KHSRP: variants seen among roughly 807,000 people sequenced by gnomAD.
The protein encoded by KHSRP is KH-type splicing regulatory protein.
KHSRP carries 13 observed loss-of-function variants against 94.9 expected under a neutral mutation model. That is an observed-to-expected ratio of 0.14 (90% CI 0.09 to 0.22). The LOEUF (loss-of-function observed/expected upper bound fraction) is 0.22, where lower values mean the gene tolerates loss of function less well. Ranked by LOEUF, KHSRP falls within the 10% of genes least tolerant of loss-of-function variation. The pLI is 1.00. For missense variants in KHSRP, 710 were observed against 1,010.0 expected, an observed-to-expected ratio of 0.70 and a Z score of 4.03; for synonymous variants, 495 against 401.4, an observed-to-expected ratio of 1.23 and a Z score of -2.79.
Position 6,418,147 on chromosome 19 carries a change from G to A in KHSRP, c.880-68C>T, listed in dbSNP as rs2092166392. 4 of 1,435,626 alleles carry A rather than the reference G, an allele frequency of 2.8e-6. No homozygotes were observed. Among genetic ancestry groups the A allele is most frequent in the Non-Finnish European group, 3.9e-6 (4 of 1,025,720 alleles). 88.9% of individuals were successfully genotyped at this position (1,435,626 alleles called of 1,614,324 possible). A position where few individuals can be genotyped will look rare whatever the true frequency, so the allele number is the denominator to read the frequency against. On this transcript the variant is annotated intron_variant, in intron 9 of 18. Coordinates refer to ENST00000600480, the MANE Select transcript of KHSRP (RefSeq NM_001366299.1). This position sits in a 1 kb window ranked among gnomAD's most constrained non-coding sequence, Gnocchi z 4.3. ...GCCCCACACCCCCCCACCTCCTCGGGGGTGCGGGCCTCAACTAAGGACCCA... is the reference window on the plus strand; with the variant it reads ...GCCCCACACCCCCCCACCTCCTCGGAGGTGCGGGCCTCAACTAAGGACCCA...
intron 11 of KHSRP, among the ~76,000 whole-genome samples, 168 bp downstream of exon 11, chr19:6,417,571 T>C (rs548283120): frequency 6.6e-6 from 1 of 152,276 alleles, no homozygotes; most frequent in Non-Finnish European, 1.5e-5. Context: ...CCCTCATGTG[T>C]CTGTCCCAGA....
rs760043260 is a variant in KHSRP at position 6,415,640 on chromosome 19, G to A, written c.1782C>T (p.Pro594=). 73 of 1,533,778 alleles carry A rather than the reference G, an allele frequency of 4.8e-5. No individual in the cohort carries two copies. Among genetic ancestry groups the A allele is most frequent in the East Asian group, 7.4e-5 (3 of 40,782 alleles). ...CCGGTGGGGCCGCAGGGGCCGGTGC[G>A]GGGCCGGGGACGGGGCCCGGGGGCT... The part of the protein sequence containing the change: ...YQQPPGPVPG[P]APAPAAPPAQ... Residue 594 remains proline, a synonymous_variant, in exon 17 of 19, where the codon CCC becomes CCT. Coordinates refer to ENST00000600480, the MANE Select transcript of KHSRP (RefSeq NM_001366299.1).
In KHSRP at chr19:6,414,969, G is replaced by A. The variant is rs1205035673; in HGVS notation, c.*55C>T. On this transcript the variant is annotated 3_prime_UTR_variant, in exon 19 of 19. Transcript: ENST00000600480. ...CTCTGGACCCAGCGAATGCTTCCCT[G>A]GCGGTGCGTGGGGACTCCCGGAGAC... 2.1e-6 allele frequency: 3 copies of A among 1,435,644 alleles called. No homozygotes were observed. Among genetic ancestry groups the A allele is most frequent in the Non-Finnish European group, 2.7e-6 (3 of 1,100,592 alleles). The allele number at this position is 1,435,644 out of a possible 1,614,324, so 88.9% of individuals were successfully genotyped here.
In KHSRP at chr19:6,414,976, C is replaced by G; in HGVS notation, c.*48G>C. The G allele has an allele frequency of 7.0e-7, 1 of 1,437,814 alleles. No homozygotes were observed. The highest frequency in any genetic ancestry group is 1.4e-5 in the African/African-American group (1 of 69,840). 89.1% of individuals were successfully genotyped at this position (1,437,814 alleles called of 1,614,324 possible). On this transcript the variant is annotated 3_prime_UTR_variant, in exon 19 of 19. Transcript: ENST00000600480. ...CCCAGCGAATGCTTCCCTGGCGGTG[C>G]GTGGGGACTCCCGGAGACCTCCGGC... is the stretch of plus-strand genomic sequence containing the variant.
intron 4 of KHSRP, among the ~76,000 whole-genome samples, chr19:6,420,694 G>A (rs760684447): frequency 1.3e-5 from 2 of 152,258 alleles, no homozygotes; most frequent in East Asian, 1.9e-4. Context: ...CAGGGCGAGA[G>A]GGAGCACTGA....
intron 3 of KHSRP, 52 bp downstream of exon 3, chr19:6,421,598 A>G: frequency 6.2e-7 from 1 of 1,600,868 alleles, no homozygotes; most frequent in Non-Finnish European, 8.6e-7. Context: ...TGACTCCTGA[A>G]AACCTCAACC....
Position 6,417,107 on chromosome 19 carries a change from A to C in KHSRP, c.1082-20T>G, listed in dbSNP as rs1158188539. The C allele has an allele frequency of 6.3e-7, 1 of 1,579,522 alleles. No individual in the cohort carries two copies. Among genetic ancestry groups the C allele is most frequent in the Admixed American group, 1.9e-5 (1 of 53,678 alleles). ...CGTCATCTGAGGCCAGCACCGAGAG[A>C]GCAGAGACACAAGTTTAAAAGAAGA... On this transcript the variant is annotated intron_variant, in intron 11 of 18. Coordinates refer to ENST00000600480, the MANE Select transcript of KHSRP (RefSeq NM_001366299.1).
At position 6,415,057 on chromosome 19, in the gene KHSRP, G is replaced by A. The variant is rs766885192; in HGVS notation, c.2211C>T (p.Ala737=). Residue 737 remains alanine (A), a synonymous_variant, in exon 19 of 19, where the codon GCC becomes GCT. Transcript: ENST00000600480. ...ATVHPALVGS[A]GNPFPCGVCP ...ACACCCCGCAGGGGAAGGGGTTTCC[G>A]GCGCTACCCACTAAGGCAGGATGGA... 49 of 1,558,266 alleles carry A rather than the reference G, an allele frequency of 3.1e-5. No individual in the cohort carries two copies. The highest frequency in any genetic ancestry group is 3.5e-4 in the Middle Eastern group (2 of 5,664).
Position 6,421,641 on chromosome 19 carries a change from T to A in KHSRP, c.385+9A>T. 6.2e-7 allele frequency: 1 copy of A among 1,613,834 alleles called. No individual in the cohort carries two copies. Among genetic ancestry groups the A allele is most frequent in the Non-Finnish European group, 8.5e-7 (1 of 1,179,802 alleles). ...GCCACATATCTGCCACCAGACCCCC[T>A]GGACTTACAGTCTCCCTGGGAAGCC... On this transcript the variant is annotated intron_variant, in intron 3 of 18. Transcript: ENST00000600480.
intron 15 of KHSRP, among the ~76,000 whole-genome samples, 179 bp from the exon 16 acceptor site, chr19:6,416,075 G>C (rs1029497788): frequency 1.3e-5 from 2 of 152,262 alleles, no homozygotes; most frequent in Non-Finnish European, 2.9e-5. Context: ...GCGTCAGCTT[G>C]AGGACATGAA....
chr19:6,418,630 T>A lies in KHSRP; in HGVS notation c.781-49A>T. 1 of 1,613,070 alleles carries A rather than the reference T, an allele frequency of 6.2e-7. No individual in the cohort carries two copies. Among genetic ancestry groups the A allele is most frequent in the Non-Finnish European group, 8.5e-7 (1 of 1,179,040 alleles). ...AGTGCTGGGCTCTCCCAGGACTTCC[T>A]GGGCTGCTGTGGTGGTGGCGGTGGG... On this transcript the variant is annotated intron_variant, in intron 8 of 18. Coordinates refer to ENST00000600480, the MANE Select transcript of KHSRP (RefSeq NM_001366299.1). The surrounding 1 kb of genome is among the most constrained non-coding windows in gnomAD (Gnocchi z 4.3).
rs866250243 is a variant in KHSRP at position 6,424,406 on chromosome 19, C to T, written c.249+47G>A. ...CACGTGACCCCCGCCCCCTCCCCCGCCTGCGCGCGCGCGCGAGCGCGCCCC... is the reference window on the plus strand; with the variant it reads ...CACGTGACCCCCGCCCCCTCCCCCGTCTGCGCGCGCGCGCGAGCGCGCCCC... On this transcript the variant is annotated intron_variant, in intron 1 of 18. Coordinates refer to ENST00000600480, the MANE Select transcript of KHSRP (RefSeq NM_001366299.1). 7.0e-4 allele frequency: 666 copies of T among 957,684 alleles called. 5 individuals carry two copies. The African/African-American group carries it at 0.011, about 16-fold the overall frequency. The allele number at this position is 957,684 out of a possible 1,614,324, so 59.3% of individuals were successfully genotyped here.
chr19:6,424,782 G>A lies in KHSRP; in HGVS notation c.-81C>T, dbSNP rs557086701. On this transcript the variant is annotated 5_prime_UTR_variant, in exon 1 of 19. Transcript: ENST00000600480. ...GGCGGCGGCTCAACGCGGGAACAAG[G>A]CCTCGCTCCACACGGCCGCGGAGCA... 51 of 495,476 alleles carry A rather than the reference G, an allele frequency of 1.0e-4. No individual in the cohort carries two copies. In the South Asian group the frequency reaches 2.6e-3, roughly 25 times the overall value. The allele number at this position is 495,476 out of a possible 1,614,324, so 30.7% of individuals were successfully genotyped here. A position where few individuals can be genotyped will look rare whatever the true frequency, so the allele number is the denominator to read the frequency against.
chr19:6,421,401 G>C, intron 3 of KHSRP, 84 bp from the exon 4 acceptor site: 1 of 1,413,626 alleles, frequency 7.1e-7, no homozygotes, highest in Non-Finnish European at 9.8e-7. Context: ...AGTGGGAGCT[G>C]AGCCCGGCAC....
intron 6 of KHSRP, 91 bp from the exon 7 acceptor site, chr19:6,419,351 G>C (rs1381216465): frequency 8.4e-7 from 1 of 1,186,474 alleles, no homozygotes; most frequent in East Asian, 2.6e-5. Flanking sequence ...GAACAACCAA[G>C]GGCCACTTCT....
Position 6,414,243 on chromosome 19 carries a change from G to T in KHSRP, c.*781C>A. Reference sequence around the variant, plus strand: ...GGCCAGGAAGCCCCCTCCCAAACCTGCGCTGGCTCAGGCTGGAAGGACGTG... The same window carrying T: ...GGCCAGGAAGCCCCCTCCCAAACCTTCGCTGGCTCAGGCTGGAAGGACGTG... On this transcript the variant is annotated 3_prime_UTR_variant, in exon 19 of 19. Transcript: ENST00000600480. The T allele has an allele frequency of 1.3e-6, 2 of 1,501,288 alleles. No individual in the cohort carries two copies. The highest frequency in any genetic ancestry group is 3.5e-4 in the Middle Eastern group (2 of 5,652). 93.0% of individuals were successfully genotyped at this position (1,501,288 alleles called of 1,614,324 possible).
chr19:6,423,455 G>A (rs868238311), intron 1 of KHSRP, among the ~76,000 whole-genome samples: 13 of 152,200 alleles, frequency 8.5e-5, no homozygotes, highest in Admixed American at 3.3e-4. Flanking sequence ...TTTCTACGCT[G>A]CCCTAGAGCC....
At chr19:6,419,150 G>A (rs2092178279) in intron 7 of KHSRP, 53 bp downstream of exon 7, 1 of 1,505,580 alleles carries the variant, frequency 6.6e-7, no homozygotes, top group Non-Finnish European at 9.0e-7. Context: ...AACGGACAGA[G>A]CAGGCTTCTG....
In KHSRP at chr19:6,417,983, C is replaced by G; in HGVS notation, c.976G>C (p.Asp326His). The change falls in exon 10 of 19, where the codon GAT becomes CAT. Residue 326 changes from aspartate to histidine, a missense_variant and splice_region_variant. By Grantham distance (81) the Asp-to-His change is moderately conservative. Transcript: ENST00000600480. The part of the protein sequence containing the change: ...EYGSRIGGGI[D>H]VPVPRHSVGV... ...GTGAAGGCAGGGCCCACACTCACAT[C>G]GATGCCTCCGCCAATCCGAGATCCG... 1 of 1,613,838 alleles carries G rather than the reference C, an allele frequency of 6.2e-7. No individual in the cohort carries two copies. The highest frequency in any genetic ancestry group is 1.1e-5 in the South Asian group (1 of 91,076).
Sources: allele counts gnomAD v4.1 joint callset (sites outside exome capture counted in the v4.1 genomes callset), GRCh38; gene constraint gnomAD v4.1.1; non-coding constraint Gnocchi (gnomAD v3.1); transcripts MANE v1.5; gene names NCBI Gene and HGNC (gene_info 2026-07-23, HGNC 2026-07-21).